Variants in DNAH17 observed in about 807,000 individuals in gnomAD.
DNAH17 encodes dynein axonemal heavy chain 17.
Under a neutral mutation model 485.6 loss-of-function variants are expected in DNAH17, and 376 were observed. That is an observed-to-expected ratio of 0.77 (90% CI 0.71 to 0.84). DNAH17 has a LOEUF of 0.84. DNAH17 is among the 40% of genes least tolerant of loss of function. The probability of loss-of-function intolerance (pLI) is 0.00; values close to 1 mark genes in which losing one functional copy is unlikely to be tolerated. For synonymous variants in DNAH17, 3,031 were observed against 2,405.9 expected, an observed-to-expected ratio of 1.26 and a Z score of -7.60; for missense variants, 6,370 against 5,839.3, an observed-to-expected ratio of 1.09 and a Z score of -2.96.
At position 78,530,517 on chromosome 17, in the gene DNAH17, A is replaced by G. The variant is rs762917701; in HGVS notation, c.3115-5T>C. The G allele has an allele frequency of 6.2e-7, 1 of 1,600,276 alleles. No individual in the cohort carries two copies. Among genetic ancestry groups the G allele is most frequent in the East Asian group, 2.2e-5 (1 of 44,538 alleles). Reference sequence around the variant, plus strand: ...CAGCTTCTCGTAGGAGTCGATCTGGAAAACACGGCCACCGGCGGCCTGTCA... The same window carrying G: ...CAGCTTCTCGTAGGAGTCGATCTGGGAAACACGGCCACCGGCGGCCTGTCA... On this transcript the variant is annotated splice_region_variant and splice_polypyrimidine_tract_variant and intron_variant, in intron 20 of 80. Transcript: ENST00000389840.
Position 78,495,875 on chromosome 17 carries a change from C to G in DNAH17, c.5903G>C (p.Arg1968Thr), listed in dbSNP as rs761394973. ...ACTCACTTTCACCTGGGCCACGTAC[C>G]TGAATAAGGCTTTTAGGTTCTCAGG... ...ELPENLKALF[R>T]PCAMVVPDFE... Residue 1968 changes from arginine to threonine, a missense_variant and splice_region_variant, in exon 38 of 81, where the codon AGG (arginine) becomes ACG (threonine). Transcript: ENST00000389840. 7 of 1,610,980 alleles carry G rather than the reference C, an allele frequency of 4.3e-6. No homozygotes were observed. The highest frequency in any genetic ancestry group is 1.3e-5 in the African/African-American group (1 of 74,834).
At chr17:78,478,795 A>G (rs1449559785) in intron 51 of DNAH17, 8 of 504,212 alleles carry the variant, frequency 1.6e-5, no homozygotes, top group Middle Eastern at 4.9e-4. Context: ...CATCATAACC[A>G]TCACTACCAC....
chr17:78,445,792 C>A, intron 69 of DNAH17, 112 bp from the exon 70 acceptor site: 1 of 1,176,692 alleles, frequency 8.5e-7, no homozygotes, highest in Non-Finnish European at 1.2e-6. Context: ...GCAGGGGGCG[C>A]CCTGTCCTGC....
intron 72 of DNAH17, 43 bp downstream of exon 72, chr17:78,441,008 C>T (rs1291176617): frequency 1.9e-6 from 3 of 1,552,130 alleles, no homozygotes; most frequent in African/African-American, 2.7e-5. Flanking sequence ...GTGATGCTGA[C>T]AATACTCCGT....
In DNAH17 at chr17:78,426,920, GT is replaced by G; in HGVS notation, c.12771+5del. 7 of 1,598,436 alleles carry G rather than the reference GT, an allele frequency of 4.4e-6. No homozygotes were observed. Among genetic ancestry groups the G allele is most frequent in the Non-Finnish European group, 5.1e-6 (6 of 1,172,400 alleles). The stretch of plus-strand genomic sequence containing the variant: ...CGTCCCTGGGGCCGGGCTGACCCAT[GT>G]TTACCTTCAGCCCCAGGTTCAGCTC... On this transcript the variant is annotated splice_donor_5th_base_variant and intron_variant, in intron 78 of 80. Transcript: ENST00000389840.
intron 17 of DNAH17, among the ~76,000 whole-genome samples, chr17:78,542,409 A>G (rs1188826319): frequency 6.6e-6 from 1 of 152,126 alleles, no homozygotes; most frequent in Non-Finnish European, 1.5e-5. Context: ...CGGCCTCCCA[A>G]AGTGCTGGGA....
chr17:78,494,560 C>G (rs2089995877), intron 40 of DNAH17, 33 bp downstream of exon 40: 1 of 1,607,428 alleles, frequency 6.2e-7, no homozygotes, highest in African/African-American at 1.3e-5. Flanking sequence ...AGGCAGGCTT[C>G]TCCGGACAGA....
At chr17:78,555,339 T>C (rs1171553942) in intron 14 of DNAH17, among the ~76,000 whole-genome samples, 1 of 151,994 alleles carries the variant, frequency 6.6e-6, no homozygotes, top group Non-Finnish European at 1.5e-5. Flanking sequence ...AGAACACACC[T>C]CTTTAGTGTG....
chr17:78,508,671 G>C (rs1382892696), intron 27 of DNAH17, among the ~76,000 whole-genome samples: 2 of 152,208 alleles, frequency 1.3e-5, no homozygotes, highest in Admixed American at 1.3e-4. Flanking sequence ...AAGTGGATTA[G>C]TGGTTGCCTA....
At chr17:78,450,110 G>C (rs1237749358) in intron 68 of DNAH17, 144 bp downstream of exon 68, 5 of 992,338 alleles carry the variant, frequency 5.0e-6, no homozygotes, top group Non-Finnish European at 7.4e-6. Flanking sequence ...CCCTCTTCCA[G>C]CTCCATCTGC....
chr17:78,450,267 T>C lies in DNAH17; in HGVS notation c.11027A>G (p.Gln3676Arg), dbSNP rs1568066943. ...NDLNKINPVYQFSLKAFNVVF... is the reference protein window; with the variant it reads ...NDLNKINPVYRFSLKAFNVVF... ...TGCAGGGCGCACCTTGAGGGAGAAC[T>C]GGTAGACGGGGTTGATTTTGTTGAG... The change falls in exon 68 of 81, where the codon CAG (glutamine) becomes CGG (arginine). Residue 3676 changes from glutamine to arginine, a missense_variant. Gln to Arg is a conservative substitution (Grantham distance 43). Coordinates refer to ENST00000389840, the MANE Select transcript of DNAH17 (RefSeq NM_173628.4). 1.2e-6 allele frequency: 2 copies of C among 1,613,896 alleles called. No homozygotes were observed. Among genetic ancestry groups the C allele is most frequent in the South Asian group, 1.1e-5 (1 of 91,082 alleles).
chr17:78,468,512 A>T (rs958517166), intron 55 of DNAH17, 105 bp downstream of exon 55: 1 of 1,390,380 alleles, frequency 7.2e-7, no homozygotes, highest in African/African-American at 1.4e-5. Context: ...TTCACATCCC[A>T]TGAAGGATCA....
chr17:78,551,590 T>G lies in DNAH17; in HGVS notation c.2336A>C (p.Gln779Pro), dbSNP rs1024578163. Residue 779 changes from glutamine to proline, a missense_variant, in exon 16 of 81, where the codon CAG becomes CCG. By Grantham distance (76) the Gln-to-Pro change is moderately conservative. Coordinates refer to ENST00000389840, the MANE Select transcript of DNAH17 (RefSeq NM_173628.4). ...QEVREILHNLQNRMQKAKQNI... is the reference protein window; with the variant it reads ...QEVREILHNLPNRMQKAKQNI... ...TTGTTTTGCCTTTTGCATCCTGTTC[T>G]GCAAGTTGTGCAGAATTTCTCGCAC... The G allele has an allele frequency of 1.1e-5, 17 of 1,613,934 alleles. No individual in the cohort carries two copies. In the Admixed American group the frequency reaches 2.5e-4, roughly 24 times the overall value.
chr17:78,497,605 G>A (rs889042140), intron 37 of DNAH17, among the ~76,000 whole-genome samples: 6 of 152,224 alleles, frequency 3.9e-5, no homozygotes, highest in African/African-American at 1.2e-4. Context: ...GGGTCCCCAC[G>A]GTAACAGCCA....
Position 78,499,110 on chromosome 17 carries a change from G to T in DNAH17, c.5643C>A (p.Ser1881=). ...CCAGGCCCTTGTAGATATTTCCACA[G>T]GACTGGAAAGGGCGAGATGGAGAAA... ...FNCSEQMDYK[S]CGNIYKGLAQ... is the part of the protein sequence containing the mutation. The change falls in exon 37 of 81, where the codon TCC becomes TCA. Residue 1881 remains serine (S), a splice_region_variant and synonymous_variant. Coordinates refer to ENST00000389840, the MANE Select transcript of DNAH17 (RefSeq NM_173628.4). 6.3e-7 allele frequency: 1 copy of T among 1,585,466 alleles called. No individual in the cohort carries two copies. Among genetic ancestry groups the T allele is most frequent in the African/African-American group, 1.4e-5 (1 of 73,756 alleles).
At position 78,558,201 on chromosome 17, in the gene DNAH17, C is replaced by T. The variant is rs147180345; in HGVS notation, c.2085G>A (p.Glu695=). ...VKYLNFQQQK[E]IPDSAESLFS... is the part of the protein sequence containing the mutation. ...ACAGACTCTCCGCACTGTCTGGAAT[C>T]TCTTTCTGTTGCTGGAAATTCAAAT... Residue 695 remains glutamate (E), a synonymous_variant, in exon 14 of 81, where the codon GAG becomes GAA. Transcript: ENST00000389840. 58 of 1,613,716 alleles carry T rather than the reference C, an allele frequency of 3.6e-5. No homozygotes were observed. Among genetic ancestry groups the T allele is most frequent in the Non-Finnish European group, 4.3e-5 (51 of 1,179,840 alleles).
intron 22 of DNAH17, among the ~76,000 whole-genome samples, chr17:78,528,829 C>T (rs1447350957): frequency 6.6e-6 from 1 of 152,168 alleles, no homozygotes; most frequent in Non-Finnish European, 1.5e-5. Flanking sequence ...CCCCCTTCAG[C>T]TGCCTAATCC....
intron 16 of DNAH17, among the ~76,000 whole-genome samples, chr17:78,551,076 C>T (rs564817380): frequency 6.6e-6 from 1 of 151,992 alleles, no homozygotes; most frequent in Non-Finnish European, 1.5e-5. Context: ...AAAACAAAAA[C>T]AAAATTCCTT....
intron 73 of DNAH17, among the ~76,000 whole-genome samples, chr17:78,438,289 G>A (rs959640050): frequency 7.3e-5 from 11 of 150,150 alleles, no homozygotes; most frequent in East Asian, 6.1e-4. Flanking sequence ...AGAGGCGCTC[G>A]AGGACAAGCG....
Sources: gnomAD v4.1 joint callset for allele counts (sites outside exome capture counted in the v4.1 genomes callset) on GRCh38, gnomAD v4.1.1 for gene constraint, MANE v1.5 for transcripts, NCBI Gene and HGNC (gene_info 2026-07-23, HGNC 2026-07-21) for gene names.